CHRD: variants seen among roughly 807,000 people sequenced by gnomAD.
CHRD encodes chordin.
CHRD carries 69 observed loss-of-function variants against 113.7 expected under a neutral mutation model. That is an observed-to-expected ratio of 0.61 (90% CI 0.50 to 0.74). The LOEUF is 0.74. Among genes scored for constraint, CHRD ranks in the 30% least tolerant of loss-of-function variants. The pLI, the probability that CHRD is intolerant of heterozygous loss-of-function variation, is 0.00. For missense variants in CHRD, 1,194 were observed against 1,295.8 expected, an observed-to-expected ratio of 0.92 and a Z score of 1.21; for synonymous variants, 561 against 540.8, an observed-to-expected ratio of 1.04 and a Z score of -0.52.
Position 184,381,437 on chromosome 3 carries a change from G to A in CHRD, c.383-59G>A, listed in dbSNP as rs1715384180. On this transcript the variant is annotated intron_variant, in intron 3 of 22. Transcript: ENST00000204604. The surrounding 1 kb of genome is among the most constrained non-coding windows in gnomAD (Gnocchi z 4.7). ...AGGTCCCGGGCCACTTGGATGGGGC[G>A]TCGGACTGGCCTTTCCCATGGCCAG... 35 of 1,597,226 alleles carry A rather than the reference G, an allele frequency of 2.2e-5. No homozygotes were observed. The South Asian group carries it at 3.8e-4, about 17-fold the overall frequency.
chr3:184,380,511 G>A lies in CHRD; in HGVS notation c.148+45G>A. On this transcript the variant is annotated intron_variant, in intron 1 of 22. Transcript: ENST00000204604. This position sits in a 1 kb window ranked among gnomAD's most constrained non-coding sequence, Gnocchi z 6.3. ...AGGCGCGGGCGGGGAGTCGGGCTCG[G>A]GGCGAGTCAGCGCCAGCCCGGAGGG... is the stretch of plus-strand genomic sequence containing the variant. 1 of 1,134,756 alleles carries A rather than the reference G, an allele frequency of 8.8e-7. No individual in the cohort carries two copies. The highest frequency in any genetic ancestry group is 1.1e-6 in the Non-Finnish European group (1 of 921,152). The allele number at this position is 1,134,756 out of a possible 1,614,324, so 70.3% of individuals were successfully genotyped here. A position where few individuals can be genotyped will look rare whatever the true frequency, so the allele number is the denominator to read the frequency against.
Position 184,381,931 on chromosome 3 carries a change from A to G in CHRD, c.612-2A>G. 1.2e-6 allele frequency: 2 copies of G among 1,614,088 alleles called. No individual in the cohort carries two copies. Among genetic ancestry groups the G allele is most frequent in the Non-Finnish European group, 1.7e-6 (2 of 1,180,026 alleles). ...CGGCCTCACCCGACCTCTCATTCCC[A>G]GGCTGGACCGCCCTACCAGGATCCG... On this transcript the variant is annotated splice_acceptor_variant, in intron 5 of 22. Coordinates refer to ENST00000204604, the Ensembl canonical transcript of CHRD. LOFTEE classifies it high-confidence loss of function. This position sits in a 1 kb window ranked among gnomAD's most constrained non-coding sequence, Gnocchi z 4.7.
rs1232767763 is a variant in CHRD, at chr3:184,387,356, G to C, written c.2348-18G>C. Reference sequence around the variant, plus strand: ...GATGAGCTCATACTAATGGCTGCTGGGCCCTGTTCCCCACCAGGCTGCTAT... The same window carrying C: ...GATGAGCTCATACTAATGGCTGCTGCGCCCTGTTCCCCACCAGGCTGCTAT... On this transcript the variant is annotated intron_variant, in intron 18 of 22. Transcript: ENST00000204604. The surrounding 1 kb of genome is among the most constrained non-coding windows in gnomAD (Gnocchi z 6.1). 2 of 1,599,146 alleles carry C rather than the reference G, an allele frequency of 1.3e-6. No homozygotes were observed. Among genetic ancestry groups the C allele is most frequent in the Non-Finnish European group, 1.7e-6 (2 of 1,173,502 alleles).
Position 184,382,509 on chromosome 3 carries a change from C to T in CHRD, c.820C>T (p.Arg274Trp), listed in dbSNP as rs142618898. 4.3e-5 allele frequency: 69 copies of T among 1,613,830 alleles called. No homozygotes were observed. The highest frequency in any genetic ancestry group is 2.7e-4 in the Admixed American group (16 of 59,996). Residue 274 changes from arginine (R) to tryptophan (W), a missense_variant, in exon 7 of 23, where the codon CGG becomes TGG. Coordinates refer to ENST00000204604, the Ensembl canonical transcript of CHRD. ...AGGGGAGGTCTGGGGGCCTCTCATCCGGCACCGGGCCCTGGCTGCAGGTAG... is the reference window on the plus strand; with the variant it reads ...AGGGGAGGTCTGGGGGCCTCTCATCTGGCACCGGGCCCTGGCTGCAGGTAG...
At position 184,385,186 on chromosome 3, in the gene CHRD, C is replaced by G. The variant is rs1195233255; in HGVS notation, c.1766C>G (p.Pro589Arg). The G allele has an allele frequency of 2.5e-6, 4 of 1,613,988 alleles. No individual in the cohort carries two copies. The African/African-American group carries it at 5.3e-5, about 22-fold the overall frequency. ...ACTGTCACTGCCCACCTCCTTGGGC[C>G]TCCTGGAACGCCAGGGCCTCGGCGG... The change falls in exon 14 of 23, where the codon CCT (proline) becomes CGT (arginine). Residue 589 changes from proline (P) to arginine (R), a missense_variant. Pro to Arg is a moderately radical substitution (Grantham distance 103). Coordinates refer to ENST00000204604, the Ensembl canonical transcript of CHRD.
Position 184,380,861 on chromosome 3 carries a change from G to C in CHRD, c.252+66G>C. On this transcript the variant is annotated intron_variant, in intron 2 of 22. Transcript: ENST00000204604. The surrounding 1 kb of genome is among the most constrained non-coding windows in gnomAD (Gnocchi z 6.3). ...GGAGCGCCGGGTCGCGCGGGCGTCG[G>C]AGTGGACTCGGAGCTGCTGAGAAGG... 8.2e-7 allele frequency: 1 copy of C among 1,225,302 alleles called. No homozygotes were observed. The highest frequency in any genetic ancestry group is 1.1e-6 in the Non-Finnish European group (1 of 883,842). The allele number at this position is 1,225,302 out of a possible 1,614,324, so 75.9% of individuals were successfully genotyped here. A position where few individuals can be genotyped will look rare whatever the true frequency, so the allele number is the denominator to read the frequency against.
chr3:184,387,572 G>A lies in CHRD; in HGVS notation c.2451+95G>A. On this transcript the variant is annotated intron_variant, in intron 19 of 22. Transcript: ENST00000204604. The surrounding 1 kb of genome is among the most constrained non-coding windows in gnomAD (Gnocchi z 6.1). ...GTGAGGAAGGCCCGTCCTTGGTGAG[G>A]AGGGCTCAAGAATCAAAACGATATG... is the stretch of plus-strand genomic sequence containing the variant. 1 of 1,155,522 alleles carries A rather than the reference G, an allele frequency of 8.7e-7. No homozygotes were observed. The highest frequency in any genetic ancestry group is 1.2e-6 in the Non-Finnish European group (1 of 833,418). 71.6% of individuals were successfully genotyped at this position (1,155,522 alleles called of 1,614,324 possible). A position where few individuals can be genotyped will look rare whatever the true frequency, so the allele number is the denominator to read the frequency against.
exon 7 of CHRD, chr3:184,382,476 C>T (rs1715591727): frequency 6.2e-7 from 1 of 1,614,106 alleles, no homozygotes; most frequent in South Asian, 1.1e-5. Context: ...GACACTCACT[C>T]ACCCTTCAGG....
chr3:184,382,954 G>A lies in CHRD; in HGVS notation c.1065+16G>A. 1 of 1,613,696 alleles carries A rather than the reference G, an allele frequency of 6.2e-7. No homozygotes were observed. Among genetic ancestry groups the A allele is most frequent in the Non-Finnish European group, 8.5e-7 (1 of 1,179,878 alleles). On this transcript the variant is annotated intron_variant, in intron 9 of 22. Coordinates refer to ENST00000204604, the Ensembl canonical transcript of CHRD. ...CTCAGCCCAGGTGAGTGGGGATCTGGCTCTCGCTGCCACCTGTCTTGGCCT... is the reference window on the plus strand; with the variant it reads ...CTCAGCCCAGGTGAGTGGGGATCTGACTCTCGCTGCCACCTGTCTTGGCCT...
chr3:184,381,856 G>A lies in CHRD; in HGVS notation c.611+41G>A. 1.2e-6 allele frequency: 2 copies of A among 1,610,722 alleles called. No homozygotes were observed. The highest frequency in any genetic ancestry group is 8.5e-7 in the Non-Finnish European group (1 of 1,178,304). On this transcript the variant is annotated intron_variant, in intron 5 of 22. Coordinates refer to ENST00000204604, the Ensembl canonical transcript of CHRD. This position sits in a 1 kb window ranked among gnomAD's most constrained non-coding sequence, Gnocchi z 4.7. ...GAGCAAGGAGGGGTCAGCTGCCGGGGCCCGGGAGGGAAACTGGGAGAGCTG... is the reference window on the plus strand; with the variant it reads ...GAGCAAGGAGGGGTCAGCTGCCGGGACCCGGGAGGGAAACTGGGAGAGCTG...
Position 184,381,862 on chromosome 3 carries a change from G to A in CHRD, c.611+47G>A, listed in dbSNP as rs375700070. ...GGAGGGGTCAGCTGCCGGGGCCCGG[G>A]AGGGAAACTGGGAGAGCTGGGAGGG... On this transcript the variant is annotated intron_variant, in intron 5 of 22. Transcript: ENST00000204604. This position sits in a 1 kb window ranked among gnomAD's most constrained non-coding sequence, Gnocchi z 4.7. 1 of 1,611,234 alleles carries A rather than the reference G, an allele frequency of 6.2e-7. No homozygotes were observed. Among genetic ancestry groups the A allele is most frequent in the African/African-American group, 1.3e-5 (1 of 74,894 alleles).
In CHRD at chr3:184,387,138, G is replaced by A. The variant is rs1716451778; in HGVS notation, c.2347+31G>A. 6.2e-7 allele frequency: 1 copy of A among 1,602,262 alleles called. No homozygotes were observed. Among genetic ancestry groups the A allele is most frequent in the Non-Finnish European group, 8.6e-7 (1 of 1,169,182 alleles). On this transcript the variant is annotated intron_variant, in intron 18 of 22. Transcript: ENST00000204604. The surrounding 1 kb of genome is among the most constrained non-coding windows in gnomAD (Gnocchi z 6.1). The stretch of plus-strand genomic sequence containing the variant: ...CTGGAAGGGTGCGTGCAGGGTGGGA[G>A]GCCCCAGAGGAGCCATTAGGTTGAA...
At position 184,381,959 on chromosome 3, in the gene CHRD, T is replaced by A; in HGVS notation, c.638T>A (p.Phe213Tyr). ...CTGGACCGCCCTACCAGGATCCGCTTCTCAGACTCCAATGGCAGTGTCCTG... is the reference window on the plus strand; with the variant it reads ...CTGGACCGCCCTACCAGGATCCGCTACTCAGACTCCAATGGCAGTGTCCTG... The change falls in exon 6 of 23, where the codon TTC (phenylalanine) becomes TAC (tyrosine). Residue 213 changes from phenylalanine to tyrosine, a missense_variant. Coordinates refer to ENST00000204604, the Ensembl canonical transcript of CHRD. This position sits in a 1 kb window ranked among gnomAD's most constrained non-coding sequence, Gnocchi z 4.7. The A allele has an allele frequency of 6.2e-7, 1 of 1,614,126 alleles. No homozygotes were observed. Among genetic ancestry groups the A allele is most frequent in the Middle Eastern group, 1.7e-4 (1 of 6,056 alleles).
rs1716482048 is a variant in CHRD at position 184,387,287 on chromosome 3, T to C, written c.2348-87T>C. The C allele has an allele frequency of 6.8e-7, 1 of 1,468,706 alleles. No homozygotes were observed. The highest frequency in any genetic ancestry group is 1.3e-5 in the South Asian group (1 of 78,732). The allele number at this position is 1,468,706 out of a possible 1,614,324, so 91.0% of individuals were successfully genotyped here. ...CAGGTGGGCCCTTGGCTTAGGCTCG[T>C]GTGGGGGTGGCCTGAGGCTCAAGCC... On this transcript the variant is annotated intron_variant, in intron 18 of 22. Transcript: ENST00000204604. This position sits in a 1 kb window ranked among gnomAD's most constrained non-coding sequence, Gnocchi z 6.1.
Position 184,380,652 on chromosome 3 carries a change from C to A in CHRD, c.149-40C>A. 4 of 1,479,814 alleles carry A rather than the reference C, an allele frequency of 2.7e-6. No individual in the cohort carries two copies. The highest frequency in any genetic ancestry group is 3.6e-6 in the Non-Finnish European group (4 of 1,113,012). The allele number at this position is 1,479,814 out of a possible 1,614,324, so 91.7% of individuals were successfully genotyped here. ...GCAGCCCCCGGGGCGGCACACGGCGCGAGCTGGGCAGCGGCCTCCAGCCAA... is the reference window on the plus strand; with the variant it reads ...GCAGCCCCCGGGGCGGCACACGGCGAGAGCTGGGCAGCGGCCTCCAGCCAA... On this transcript the variant is annotated intron_variant, in intron 1 of 22. Transcript: ENST00000204604. This position sits in a 1 kb window ranked among gnomAD's most constrained non-coding sequence, Gnocchi z 6.3.
intron 15 of CHRD, 166 bp from the exon 16 acceptor site, chr3:184,386,326 C>A: frequency 8.0e-7 from 1 of 1,251,566 alleles, no homozygotes; most frequent in Non-Finnish European, 1.1e-6. Flanking sequence ...GGCTGGCAGC[C>A]CGGCACCCTA....
At position 184,381,173 on chromosome 3, in the gene CHRD, G is replaced by T; in HGVS notation, c.253-62G>T. ...CTGACTCTGCGGGACATCCTTGCCT[G>T]GGGGGGTCTCATCAGTTGGCATCTT... On this transcript the variant is annotated intron_variant, in intron 2 of 22. Coordinates refer to ENST00000204604, the Ensembl canonical transcript of CHRD. This position sits in a 1 kb window ranked among gnomAD's most constrained non-coding sequence, Gnocchi z 4.7. 6.3e-7 allele frequency: 1 copy of T among 1,586,116 alleles called. No individual in the cohort carries two copies. Among genetic ancestry groups the T allele is most frequent in the Admixed American group, 1.7e-5 (1 of 59,980 alleles).
chr3:184,381,528 C>T lies in CHRD; in HGVS notation c.415C>T (p.Leu139=). 2.5e-6 allele frequency: 4 copies of T among 1,604,600 alleles called. No individual in the cohort carries two copies. Among genetic ancestry groups the T allele is most frequent in the Non-Finnish European group, 3.4e-6 (4 of 1,176,138 alleles). The change falls in exon 4 of 23, where the codon CTG becomes TTG. Residue 139 remains leucine (L), a synonymous_variant. Transcript: ENST00000204604. This position sits in a 1 kb window ranked among gnomAD's most constrained non-coding sequence, Gnocchi z 4.7. ...CAGTTCGGAGCGGCAGCCGAGCGGC[C>T]TGTCCTTCGAGTATCCGCGGGACCC...
At position 184,380,278 on chromosome 3, in the gene CHRD, G is replaced by GCCCTCCTCCCT. The variant is rs1261610000; in HGVS notation, c.-30_-20dup. The GCCCTCCTCCCT allele has an allele frequency of 2.7e-6, 2 of 740,714 alleles. No homozygotes were observed. The highest frequency in any genetic ancestry group is 3.4e-6 in the Non-Finnish European group (2 of 586,050). 45.9% of individuals were successfully genotyped at this position (740,714 alleles called of 1,614,324 possible). On this transcript the variant is annotated 5_prime_UTR_variant, in exon 1 of 23. Coordinates refer to ENST00000204604, the Ensembl canonical transcript of CHRD. The surrounding 1 kb of genome is among the most constrained non-coding windows in gnomAD (Gnocchi z 6.3). ...CCTCCCTCCCTCCGCCCGCTCCCGC[G>GCCCTCCTCCCT]CCCTCCTCCCTCCCTCCTCCCCAGC...
Sources: gnomAD v4.1 joint callset for allele counts on GRCh38, gnomAD v4.1.1 for gene constraint, Gnocchi (gnomAD v3.1) non-coding constraint, MANE v1.5 for transcripts, NCBI Gene and HGNC (gene_info 2026-07-23, HGNC 2026-07-21) for gene names.